Variants in STK32B observed in about 807,000 individuals in gnomAD.
The protein encoded by STK32B is serine/threonine kinase 32B, also known as serine/threonine-protein kinase 32B.
Under a neutral mutation model 52.6 loss-of-function variants are expected in STK32B, and 43 were observed. The ratio of observed to expected loss-of-function variants is 0.82; its 90% CI spans 0.64 to 1.05. The LOEUF is 1.05. Ranked by LOEUF, STK32B falls within the 50% of genes least tolerant of loss-of-function variation. The probability of loss-of-function intolerance (pLI) is 0.00; values close to 1 mark genes in which losing one functional copy is unlikely to be tolerated. For missense variants in STK32B, 621 were observed against 534.6 expected, an observed-to-expected ratio of 1.16 and a Z score of -1.59; for synonymous variants, 238 against 204.3, an observed-to-expected ratio of 1.17 and a Z score of -1.41.
intron 3 of STK32B, among the ~76,000 whole-genome samples, chr4:5,223,883 G>T (rs1577211824): frequency 1.3e-5 from 2 of 151,298 alleles, no homozygotes; most frequent in Admixed American, 1.3e-4. Context: ...TACCTTTTGG[G>T]TTTTGGACTT....
intron 1 of STK32B, among the ~76,000 whole-genome samples, chr4:5,125,819 T>G (rs747224): frequency 6.6e-6 from 1 of 152,002 alleles, no homozygotes; most frequent in Non-Finnish European, 1.5e-5. Flanking sequence ...TTCACTGCAT[T>G]TGTAACTCTG....
chr4:5,348,065 C>A (rs1460396796), intron 4 of STK32B, among the ~76,000 whole-genome samples: 1 of 152,124 alleles, frequency 6.6e-6, no homozygotes, highest in African/African-American at 2.4e-5. Context: ...TGATGGGAAG[C>A]ACCAAAAGCA....
intron 1 of STK32B, among the ~76,000 whole-genome samples, chr4:5,102,270 A>AG (rs956071452): frequency 2.0e-5 from 3 of 152,176 alleles, no homozygotes; most frequent in African/African-American, 7.2e-5. Flanking sequence ...ATGATCCTGC[A>AG]GATTACATGG....
chr4:5,123,507 CAACA>C (rs1270593830), intron 1 of STK32B, among the ~76,000 whole-genome samples: 8 of 152,262 alleles, frequency 5.3e-5, no homozygotes, highest in Middle Eastern at 3.4e-3. Context: ...GGGGCTTCAA[CAACA>C]AACATTTATT....
intron 11 of STK32B, among the ~76,000 whole-genome samples, chr4:5,486,586 C>A (rs1719230460): frequency 6.6e-6 from 1 of 152,208 alleles, no homozygotes; most frequent in African/African-American, 2.4e-5. Context: ...GCTGCACCCA[C>A]TGTCCTGCAC....
intron 1 of STK32B, among the ~76,000 whole-genome samples, chr4:5,093,022 T>A (rs1713181519): frequency 1.3e-5 from 2 of 152,214 alleles, no homozygotes; most frequent in Non-Finnish European, 2.9e-5. Context: ...AACATGGATT[T>A]GAACTGTGCA....
chr4:5,438,289 G>A (rs1560411014), intron 6 of STK32B, among the ~76,000 whole-genome samples: 1 of 152,224 alleles, frequency 6.6e-6, no homozygotes, highest in South Asian at 2.1e-4. Context: ...TGGGATCCAG[G>A]TGGGATTCGG....
chr4:5,395,305 G>A lies in STK32B; in HGVS notation c.435-2902G>A, dbSNP rs1022967486. Among the ~76,000 whole-genome samples the A allele has an allele frequency of 3.3e-5, 5 of 152,204 alleles. No individual in the cohort carries two copies. Among genetic ancestry groups the A allele is most frequent in the African/African-American group, 1.2e-4 (5 of 41,452 alleles). On this transcript the variant is annotated intron_variant, in intron 4 of 11. Coordinates refer to ENST00000282908, the MANE Select transcript of STK32B (RefSeq NM_018401.3). This position sits in a 1 kb window ranked among gnomAD's most constrained non-coding sequence, Gnocchi z 4.4. Reference sequence around the variant, plus strand: ...GGGGTGACACCCATCACCTTTGTCAGCTTCCATGGCTAGGACCACGTCACA... The same window carrying A: ...GGGGTGACACCCATCACCTTTGTCAACTTCCATGGCTAGGACCACGTCACA...
intron 4 of STK32B, among the ~76,000 whole-genome samples, chr4:5,382,278 G>A (rs1735981776): frequency 6.6e-6 from 1 of 152,188 alleles, no homozygotes; most frequent in Admixed American, 6.5e-5. Flanking sequence ...CCCTGGGAAA[G>A]TCACTCAAAT....
At chr4:5,289,257 A>G (rs1728733861) in intron 3 of STK32B, among the ~76,000 whole-genome samples, 1 of 152,198 alleles carries the variant, frequency 6.6e-6, no homozygotes, top group Admixed American at 6.5e-5. Flanking sequence ...TAAGTGTGGT[A>G]TAAGAGATGA....
At chr4:5,424,893 G>A (rs562593221) in intron 6 of STK32B, among the ~76,000 whole-genome samples, 1 of 152,336 alleles carries the variant, frequency 6.6e-6, no homozygotes, top group East Asian at 1.9e-4. Flanking sequence ...CCCCAAGCCA[G>A]GGCTGTGATG....
In STK32B at chr4:5,330,628, T is replaced by C. The variant is rs138999382; in HGVS notation, c.261-592T>C. On this transcript the variant is annotated intron_variant, in intron 3 of 11. Transcript: ENST00000282908. ...GGCAGGCAGTGGTGCTGGCTGTCACTGGGAACTCAGCTGTGGATCTGGTTT... is the reference window on the plus strand; with the variant it reads ...GGCAGGCAGTGGTGCTGGCTGTCACCGGGAACTCAGCTGTGGATCTGGTTT... 6.6e-5 allele frequency among the ~76,000 whole-genome samples: 10 copies of C among 152,328 alleles called. No homozygotes were observed. In the East Asian group the frequency reaches 1.9e-3, roughly 29 times the overall value.
chr4:5,486,659 C>T (rs1319734888), intron 11 of STK32B, among the ~76,000 whole-genome samples: 1 of 152,238 alleles, frequency 6.6e-6, no homozygotes, highest in Non-Finnish European at 1.5e-5. Flanking sequence ...CAGAAATCAC[C>T]TGTCTTCTGC....
At chr4:5,281,753 A>G (rs1023758584) in intron 3 of STK32B, among the ~76,000 whole-genome samples, 2 of 152,220 alleles carry the variant, frequency 1.3e-5, no homozygotes, top group Non-Finnish European at 2.9e-5. Flanking sequence ...GCAAAACTCA[A>G]ATTAGTGTTT....
intron 2 of STK32B, among the ~76,000 whole-genome samples, chr4:5,155,589 A>G (rs1039174832): frequency 2.6e-5 from 4 of 151,916 alleles, no homozygotes; most frequent in Admixed American, 6.6e-5. Flanking sequence ...TGTAATCCCT[A>G]CCTGTCAAGG....
In STK32B at chr4:5,064,504, A is replaced by G. The variant is rs1216285321; in HGVS notation, c.52+12589A>G. Among the ~76,000 whole-genome samples, 3 of 66,264 alleles carry G rather than the reference A, an allele frequency of 4.5e-5. 1 individual carries two copies. Among genetic ancestry groups the G allele is most frequent in the Non-Finnish European group, 9.4e-5 (3 of 31,906 alleles). 43.5% of individuals were successfully genotyped at this position (66,264 alleles called of 152,430 possible). A position where few individuals can be genotyped will look rare whatever the true frequency, so the allele number is the denominator to read the frequency against. ...TATACTTATGTTATATACATATATA[A>G]TATATAAATATATACTTATATACAT... On this transcript the variant is annotated intron_variant, in intron 1 of 11. Transcript: ENST00000282908.
At chr4:5,245,474 G>C (rs56181302) in intron 3 of STK32B, among the ~76,000 whole-genome samples, 11,915 of 151,504 alleles carry the variant, frequency 0.079, 690 homozygotes, top group African/African-American at 0.16. Context: ...ACGTGAGCAC[G>C]TGAGATGGGT....
At chr4:5,123,185 A>T (rs1323593663) in intron 1 of STK32B, among the ~76,000 whole-genome samples, 2 of 152,080 alleles carry the variant, frequency 1.3e-5, no homozygotes, top group East Asian at 3.9e-4. Context: ...CAAGCTGTAG[A>T]GACAGAAGGT....
chr4:5,253,794 T>G (rs1726113364), intron 3 of STK32B, among the ~76,000 whole-genome samples: 1 of 152,212 alleles, frequency 6.6e-6, no homozygotes, highest in Admixed American at 6.5e-5. Flanking sequence ...TTTATATGTT[T>G]TTGTCACAAC....
Sources: allele counts gnomAD v4.1 joint callset (sites outside exome capture counted in the v4.1 genomes callset), GRCh38; gene constraint gnomAD v4.1.1; non-coding constraint Gnocchi (gnomAD v3.1); transcripts MANE v1.5; gene names NCBI Gene and HGNC (gene_info 2026-07-23, HGNC 2026-07-21).